The following KCTD20 variants were observed in gnomAD, a reference collection of about 807,000 sequenced individuals.
The protein encoded by KCTD20 is BTB/POZ domain-containing protein KCTD20.
KCTD20 carries 30 observed loss-of-function variants against 39.6 expected under a neutral mutation model. The ratio of observed to expected loss-of-function variants is 0.76; its 90% confidence interval spans 0.57 to 1.03. KCTD20 has a LOEUF of 1.03. Ranked by LOEUF, KCTD20 falls within the 50% of genes least tolerant of loss-of-function variation. KCTD20 has a pLI of 0.00. For missense variants in KCTD20, 422 were observed against 522.0 expected (o/e 0.81, Z 1.87); for synonymous variants, 162 against 180.6 (o/e 0.90, Z 0.83).
intron 1 of KCTD20, among the ~76,000 whole-genome samples, chr6:36,459,818 G>C (rs1449316547): frequency 6.6e-6 from 1 of 152,186 alleles, no homozygotes; most frequent in Non-Finnish European, 1.5e-5. Context: ...TGTTACTATA[G>C]TACTGATTTA....
chr6:36,477,702 G>C (rs1185994003), intron 3 of KCTD20, among the ~76,000 whole-genome samples: 13 of 150,230 alleles, frequency 8.7e-5, no homozygotes, highest in African/African-American at 3.2e-4. Context: ...AGCCAGGATG[G>C]TCTCTATCTC....
intron 1 of KCTD20, chr6:36,452,516 T>A (rs1389094702): frequency 1.3e-5 from 2 of 151,450 alleles, no homozygotes; most frequent in East Asian, 3.9e-4. Context: ...TCATCTGTGA[T>A]CATTGTAGTG....
intron 3 of KCTD20, among the ~76,000 whole-genome samples, chr6:36,475,676 T>C (rs1182501861): frequency 6.6e-6 from 1 of 152,066 alleles, no homozygotes; most frequent in African/African-American, 2.4e-5. Context: ...AAATTCACTC[T>C]AAGTAATGTT....
chr6:36,448,747 T>C (rs930239387), intron 1 of KCTD20, among the ~76,000 whole-genome samples: 1 of 152,224 alleles, frequency 6.6e-6, no homozygotes, highest in African/African-American at 2.4e-5. Context: ...TTGGTCTCAC[T>C]GACTTCAAGA....
chr6:36,470,239 C>T lies in KCTD20; in HGVS notation c.142C>T (p.Leu48=), dbSNP rs1162156333. ...SSGPHNLTYP[L]GPRNEDLSLD... ...TGGTCCTCATAATCTTACTTATCCTCTAGGTCCCAGGAATGAAGGTACAGT... is the reference window on the plus strand; with the variant it reads ...TGGTCCTCATAATCTTACTTATCCTTTAGGTCCCAGGAATGAAGGTACAGT... Residue 48 remains leucine, a synonymous_variant, in exon 2 of 8, where the codon CTA becomes TTA. Coordinates refer to ENST00000373731, the MANE Select transcript of KCTD20 (RefSeq NM_173562.5). 3.1e-6 allele frequency: 5 copies of T among 1,611,760 alleles called. No individual in the cohort carries two copies. Among genetic ancestry groups the T allele is most frequent in the Non-Finnish European group, 3.4e-6 (4 of 1,178,680 alleles).
chr6:36,445,223 T>C (rs533454532), intron 1 of KCTD20, among the ~76,000 whole-genome samples: 14 of 148,702 alleles, frequency 9.4e-5, no homozygotes, highest in African/African-American at 3.5e-4. Flanking sequence ...GATCGCGCCA[T>C]TGTACTCCAG....
At chr6:36,477,100 A>G (rs1326745499) in intron 3 of KCTD20, among the ~76,000 whole-genome samples, 1 of 152,160 alleles carries the variant, frequency 6.6e-6, no homozygotes, top group African/African-American at 2.4e-5. Flanking sequence ...AAGGTCGTAA[A>G]TTCTGTAAGT....
chr6:36,474,722 CAG>C (rs545442584), intron 2 of KCTD20, 65 bp from the exon 3 acceptor site: 416 of 1,383,290 alleles, frequency 3.0e-4, no homozygotes, highest in African/African-American at 2.3e-3. Context: ...TTAAAGAAGA[CAG>C]GGTTTATTTT....
rs138237343 is a variant in KCTD20, at chr6:36,446,349, A to T, written c.-47+3238A>T. On this transcript the variant is annotated intron_variant, in intron 1 of 7. Coordinates refer to ENST00000373731, the MANE Select transcript of KCTD20 (RefSeq NM_173562.5). The stretch of plus-strand genomic sequence containing the variant: ...GGCCTGAACTCAGTATTTTTAAAAA[A>T]ATATTAAATAAAGGCTTAGATAACT... Among the ~76,000 whole-genome samples the T allele has an allele frequency of 5.8e-3, 881 of 152,254 alleles. 8 individuals are homozygous for T. The highest frequency in any genetic ancestry group is 0.02 in the African/African-American group (834 of 41,556).
chr6:36,446,374 T>C (rs1345512229), intron 1 of KCTD20, among the ~76,000 whole-genome samples: 1 of 152,186 alleles, frequency 6.6e-6, no homozygotes, highest in Admixed American at 6.5e-5. Context: ...CTTAGATAAC[T>C]ACTTTGGTGA....
chr6:36,447,644 A>G (rs2127425445), intron 1 of KCTD20, among the ~76,000 whole-genome samples: 1 of 152,144 alleles, frequency 6.6e-6, no homozygotes, highest in Admixed American at 6.5e-5. Flanking sequence ...AAAAAAAGAA[A>G]AAAATATAAA....
chr6:36,481,439 C>A, intron 5 of KCTD20, 123 bp from the exon 6 acceptor site: 2 of 719,636 alleles, frequency 2.8e-6, no homozygotes, highest in South Asian at 3.3e-5. Flanking sequence ...ATCTCTTTGC[C>A]TTTAAATGTG....
At chr6:36,467,664 T>C (rs1257299691) in intron 1 of KCTD20, among the ~76,000 whole-genome samples, 1 of 152,020 alleles carries the variant, frequency 6.6e-6, no homozygotes, top group Non-Finnish European at 1.5e-5. Context: ...AAAGAAATTC[T>C]GAAGCCAAAT....
chr6:36,462,622 T>G (rs1267961602), intron 1 of KCTD20, among the ~76,000 whole-genome samples: 1 of 152,214 alleles, frequency 6.6e-6, no homozygotes, highest in African/African-American at 2.4e-5. Context: ...TGAGAACCAT[T>G]GGACAATATG....
Position 36,487,914 on chromosome 6 carries a change from A to G in KCTD20, c.*739A>G, listed in dbSNP as rs1443965520. The stretch of plus-strand genomic sequence containing the variant: ...TTGGAATGAAACTCACAATGCAAGT[A>G]GAAGGACCTCTCCAAATCAGGCCAG... On this transcript the variant is annotated 3_prime_UTR_variant, in exon 8 of 8. Transcript: ENST00000373731. 4 of 152,370 alleles carry G rather than the reference A, an allele frequency of 2.6e-5. No individual in the cohort carries two copies. In the East Asian group the frequency reaches 7.7e-4, roughly 29 times the overall value. The allele number at this position is 152,370 out of a possible 1,614,324, so 9.4% of individuals were successfully genotyped here. A position where few individuals can be genotyped will look rare whatever the true frequency, so the allele number is the denominator to read the frequency against.
chr6:36,444,484 C>T (rs765176013), intron 1 of KCTD20, among the ~76,000 whole-genome samples: 1 of 152,178 alleles, frequency 6.6e-6, no homozygotes, highest in Admixed American at 6.5e-5. Flanking sequence ...CTTCTGAGGG[C>T]TGCTTCTAGT....
At chr6:36,449,874 T>C (rs887143308) in intron 1 of KCTD20, among the ~76,000 whole-genome samples, 1 of 152,142 alleles carries the variant, frequency 6.6e-6, no homozygotes, top group Admixed American at 6.5e-5. Context: ...TAAGAAGTTA[T>C]GTGTTGGTGG....
At position 36,484,835 on chromosome 6, in the gene KCTD20, A is replaced by G; in HGVS notation, c.967+11A>G. The G allele has an allele frequency of 6.6e-7, 1 of 1,526,492 alleles. No homozygotes were observed. The highest frequency in any genetic ancestry group is 9.0e-7 in the Non-Finnish European group (1 of 1,106,242). The allele number at this position is 1,526,492 out of a possible 1,614,324, so 94.6% of individuals were successfully genotyped here. On this transcript the variant is annotated intron_variant, in intron 7 of 7. Transcript: ENST00000373731. ...GCATTGGAATTGAAGGTAAAAAAAA[A>G]AAAAAAATCCCAGTCAACATTCAGG...
chr6:36,484,845 C>A (rs1776369546), intron 7 of KCTD20, 21 bp downstream of exon 7: 2 of 1,229,302 alleles, frequency 1.6e-6, no homozygotes, highest in African/African-American at 1.5e-5. Flanking sequence ...AAAAAAAATC[C>A]CAGTCAACAT....
Sources: allele counts gnomAD v4.1 joint callset (sites outside exome capture counted in the v4.1 genomes callset), GRCh38; gene constraint gnomAD v4.1.1; transcripts MANE v1.5; gene names NCBI Gene and HGNC (gene_info 2026-07-23, HGNC 2026-07-21).